Variants in B4GALNT3 observed in about 807,000 individuals in gnomAD.
The protein encoded by B4GALNT3 is beta-1,4-N-acetyl-galactosaminyltransferase 3.
A neutral mutation model predicts 120.2 loss-of-function variants in B4GALNT3; 86 were observed. The ratio of observed to expected loss-of-function variants is 0.72; its 90% CI spans 0.60 to 0.86. B4GALNT3 has a LOEUF of 0.86. Among genes scored for constraint, B4GALNT3 ranks in the 40% least tolerant of loss-of-function variants. B4GALNT3 has a pLI of 0.00. For synonymous variants in B4GALNT3, 518 were observed against 510.4 expected (o/e 1.01, Z -0.20); for missense variants, 1,167 against 1,298.9 (o/e 0.90, Z 1.56).
chr12:473,590 T>C (rs1443038384), intron 1 of B4GALNT3, among the ~76,000 whole-genome samples: 1 of 152,142 alleles, frequency 6.6e-6, no homozygotes, highest in Non-Finnish European at 1.5e-5. Context: ...TCAGAAATGG[T>C]CTCCTGAGAA....
intron 1 of B4GALNT3, among the ~76,000 whole-genome samples, chr12:493,366 A>G (rs749265241): frequency 1.3e-5 from 2 of 152,184 alleles, no homozygotes; most frequent in Admixed American, 6.5e-5. Flanking sequence ...CAACAATAAG[A>G]TATCACTACA....
At chr12:502,369 A>G (rs1946453152) in intron 1 of B4GALNT3, among the ~76,000 whole-genome samples, 1 of 152,080 alleles carries the variant, frequency 6.6e-6, no homozygotes, top group African/African-American at 2.4e-5. Context: ...AGCTGCGCTC[A>G]TTGCCTCCTA....
intron 19 of B4GALNT3, among the ~76,000 whole-genome samples, chr12:560,407 G>A (rs563015802): frequency 3.3e-5 from 5 of 152,256 alleles, no homozygotes; most frequent in South Asian, 2.1e-4. Context: ...CAGTGAGGTC[G>A]GCATCATGAT....
At chr12:487,090 GA>G (rs1199083714) in intron 1 of B4GALNT3, among the ~76,000 whole-genome samples, 2 of 152,118 alleles carry the variant, frequency 1.3e-5, no homozygotes, top group African/African-American at 4.8e-5. Flanking sequence ...ACACAGCTAC[GA>G]AAAGGATCTC....
Position 460,620 on chromosome 12 carries a change from C to T in B4GALNT3, c.169+75C>T. ...CGGCTCCTGCGTTGGGGGGACCCGC[C>T]TCTCATCCCATCCTCAGACCCGATT... On this transcript the variant is annotated intron_variant, in intron 1 of 19. Transcript: ENST00000266383. The surrounding 1 kb of genome is among the most constrained non-coding windows in gnomAD (Gnocchi z 8.0). 1.6e-6 allele frequency: 2 copies of T among 1,238,642 alleles called. No homozygotes were observed. The highest frequency in any genetic ancestry group is 2.5e-5 in the South Asian group (1 of 40,084). The allele number at this position is 1,238,642 out of a possible 1,614,324, so 76.7% of individuals were successfully genotyped here. A position where few individuals can be genotyped will look rare whatever the true frequency, so the allele number is the denominator to read the frequency against.
chr12:544,173 A>G (rs57758564), intron 3 of B4GALNT3, among the ~76,000 whole-genome samples, 166 bp from the exon 4 acceptor site: 23 of 77,172 alleles, frequency 3.0e-4, no homozygotes, highest in Non-Finnish European at 4.2e-4. Flanking sequence ...CGGGTGTGGG[A>G]TGCTCATCCT....
chr12:527,120 G>C (rs1946765317), intron 1 of B4GALNT3, among the ~76,000 whole-genome samples: 1 of 152,040 alleles, frequency 6.6e-6, no homozygotes, highest in Non-Finnish European at 1.5e-5. Flanking sequence ...AAGAAACGAG[G>C]TTTCACCATG....
chr12:534,404 C>T (rs1317282540), intron 1 of B4GALNT3, among the ~76,000 whole-genome samples: 2 of 152,168 alleles, frequency 1.3e-5, no homozygotes, highest in African/African-American at 4.8e-5. Flanking sequence ...CTGATTCTCC[C>T]CGGCCCTCAC....
At chr12:471,206 G>A (rs1441398539) in intron 1 of B4GALNT3, among the ~76,000 whole-genome samples, 2 of 148,846 alleles carry the variant, frequency 1.3e-5, no homozygotes, top group Admixed American at 6.7e-5. Flanking sequence ...GGCCAACATG[G>A]CAAAACCCTG....
At chr12:476,459 G>A (rs1313069159) in intron 1 of B4GALNT3, among the ~76,000 whole-genome samples, 1 of 152,112 alleles carries the variant, frequency 6.6e-6, no homozygotes, top group Non-Finnish European at 1.5e-5. Context: ...AGAAAAATTA[G>A]CTGGGCATGG....
intron 1 of B4GALNT3, among the ~76,000 whole-genome samples, chr12:514,441 C>T (rs1946631774): frequency 6.6e-6 from 1 of 151,896 alleles, no homozygotes; most frequent in African/African-American, 2.4e-5. Context: ...TCGTGATCTG[C>T]CCGCCTCGGC....
intron 7 of B4GALNT3, chr12:546,965 G>A: frequency 1.9e-6 from 1 of 529,336 alleles, no homozygotes; most frequent in Non-Finnish European, 3.4e-6. Flanking sequence ...CGCGGGACTG[G>A]AAAATAGGTC....
intron 1 of B4GALNT3, among the ~76,000 whole-genome samples, chr12:471,648 A>C (rs1946137512): frequency 6.6e-6 from 1 of 151,912 alleles, no homozygotes; most frequent in African/African-American, 2.4e-5. Context: ...CAGAGGTTGC[A>C]GTGAGCCAAG....
chr12:513,121 CCTTCCG>C (rs1946613961), intron 1 of B4GALNT3, among the ~76,000 whole-genome samples: 1 of 123,358 alleles, frequency 8.1e-6, no homozygotes, highest in Non-Finnish European at 1.6e-5. Flanking sequence ...CTTCCTTCCA[CCTTCCG>C]CCTTCCACCT....
intron 1 of B4GALNT3, among the ~76,000 whole-genome samples, chr12:511,881 CCTT>C (rs1182155408): frequency 8.9e-5 from 4 of 44,928 alleles, no homozygotes; most frequent in African/African-American, 3.3e-4. Flanking sequence ...CCACCTTCCA[CCTT>C]CTTCCACCTT....
At chr12:537,347 C>T (rs901781847) in intron 3 of B4GALNT3, among the ~76,000 whole-genome samples, 1 of 152,152 alleles carries the variant, frequency 6.6e-6, no homozygotes, top group Non-Finnish European at 1.5e-5. Flanking sequence ...TACAGTGACA[C>T]AATCATAGTT....
At chr12:517,964 C>A (rs1946672878) in intron 1 of B4GALNT3, among the ~76,000 whole-genome samples, 1 of 152,190 alleles carries the variant, frequency 6.6e-6, no homozygotes, top group African/African-American at 2.4e-5. Context: ...TAGTTTGAAT[C>A]CCAGTTTAGC....
Position 547,551 on chromosome 12 carries a change from T to C in B4GALNT3, c.708-473T>C, listed in dbSNP as rs562541083. Among the ~76,000 whole-genome samples, 3 of 152,240 alleles carry C rather than the reference T, an allele frequency of 2.0e-5. No individual in the cohort carries two copies. In the South Asian group the frequency reaches 6.2e-4, roughly 32 times the overall value. On this transcript the variant is annotated intron_variant, in intron 7 of 19. Coordinates refer to ENST00000266383, the MANE Select transcript of B4GALNT3 (RefSeq NM_173593.4). ...AAGAGCACTCGCGTGCCAGCTGCCG[T>C]GGTGGGTACGCCGTGTGCAGCTCCG...
Position 556,656 on chromosome 12 carries a change from C to G in B4GALNT3, c.2170C>G (p.Arg724Gly). 6.2e-7 allele frequency: 1 copy of G among 1,613,968 alleles called. No individual in the cohort carries two copies. The highest frequency in any genetic ancestry group is 8.5e-7 in the Non-Finnish European group (1 of 1,180,034). ...ELLEQGQRVV[R>G]LSEYVSARGW... Reference sequence around the variant, plus strand: ...GTTGGAACAAGGCCAGCGCGTGGTGCGGCTCTCGGAGTATGTGTCTGCACG... The same window carrying G: ...GTTGGAACAAGGCCAGCGCGTGGTGGGGCTCTCGGAGTATGTGTCTGCACG... Residue 724 changes from arginine to glycine, a missense_variant, in exon 15 of 20, where the codon CGG becomes GGG. This residue lies in a region of B4GALNT3 where 983 missense variants were observed against 1,102.5 expected (regional missense o/e 0.89). Coordinates refer to ENST00000266383, the MANE Select transcript of B4GALNT3 (RefSeq NM_173593.4).
Sources: allele counts gnomAD v4.1 joint callset (sites outside exome capture counted in the v4.1 genomes callset), GRCh38; gene constraint gnomAD v4.1.1; regional missense constraint gnomAD v4.1.1; non-coding constraint Gnocchi (gnomAD v3.1); transcripts MANE v1.5; gene names NCBI Gene and HGNC (gene_info 2026-07-23, HGNC 2026-07-21).